Variants in LGSN observed in about 807,000 individuals in gnomAD.
LGSN encodes the protein lengsin, lens protein with glutamine synthetase domain, also known as lengsin.
Under a neutral mutation model 19.5 loss-of-function variants are expected in LGSN, and 21 were observed. The ratio of observed to expected loss-of-function variants is 1.07; its 90% CI spans 0.76 to 1.55. LGSN has a LOEUF of 1.55. Among genes scored for constraint, LGSN ranks in the 40% most tolerant of loss-of-function variants. LGSN has a pLI of 0.00. For missense variants in LGSN, 673 were observed against 608.5 expected, an observed-to-expected ratio of 1.11 and a Z score of -1.12; for synonymous variants, 257 against 215.6, an observed-to-expected ratio of 1.19 and a Z score of -1.68.
At chr6:63,347,933 G>T in the LGSN span, among the ~76,000 whole-genome samples, 1 of 152,070 alleles carries the variant, frequency 6.6e-6, no homozygotes, top group Non-Finnish European at 1.5e-5. Flanking sequence ...ATTAGAAAAA[G>T]GTTAATTGTG....
the LGSN span, among the ~76,000 whole-genome samples, chr6:63,514,223 T>A: frequency 6.6e-6 from 1 of 152,014 alleles, no homozygotes; most frequent in Non-Finnish European, 1.5e-5. Flanking sequence ...TCCCTTTGGC[T>A]TTTTTTTGTT....
At chr6:63,395,522 C>G in the LGSN span, 1 of 152,256 alleles carries the variant, frequency 6.6e-6, no homozygotes, top group Non-Finnish European at 1.5e-5. Context: ...TATTGAAGGA[C>G]AGGAGTCTCC....
At chr6:63,365,426 G>C in the LGSN span, among the ~76,000 whole-genome samples, 2 of 151,726 alleles carry the variant, frequency 1.3e-5, no homozygotes, top group Non-Finnish European at 2.9e-5. Context: ...AACAGGTTCT[G>C]AAATTGAGGC....
the LGSN span, among the ~76,000 whole-genome samples, chr6:63,535,218 A>G: frequency 6.6e-6 from 1 of 152,180 alleles, no homozygotes; most frequent in Admixed American, 6.5e-5. Flanking sequence ...TAATTCCAGC[A>G]TTTTGGGAGG....
chr6:63,554,943 G>A, the LGSN span, among the ~76,000 whole-genome samples: 1 of 152,186 alleles, frequency 6.6e-6, no homozygotes, highest in African/African-American at 2.4e-5. Flanking sequence ...ATCATACAAA[G>A]AGACAATTGT....
chr6:63,325,485 T>C, the LGSN span, among the ~76,000 whole-genome samples: 31 of 151,954 alleles, frequency 2.0e-4, no homozygotes, highest in African/African-American at 7.5e-4. Flanking sequence ...AACTGGAAAA[T>C]CTAGAGGAAA....
the LGSN span, among the ~76,000 whole-genome samples, chr6:63,406,147 G>A: frequency 6.6e-6 from 1 of 152,150 alleles, no homozygotes; most frequent in Non-Finnish European, 1.5e-5. Context: ...GGATACCCAG[G>A]AATTGAACTC....
At chr6:63,412,513 A>AG in the LGSN span, among the ~76,000 whole-genome samples, 1 of 113,838 alleles carries the variant, frequency 8.8e-6, no homozygotes, top group Admixed American at 9.4e-5. Context: ...AAAGAAAGAA[A>AG]GAAAGAAAGA....
At chr6:63,412,687 A>G in the LGSN span, among the ~76,000 whole-genome samples, 39 of 125,450 alleles carry the variant, frequency 3.1e-4, no homozygotes, top group Middle Eastern at 4.1e-3. Flanking sequence ...GAAAGAAAGA[A>G]AGAGAAAGAA....
the LGSN span, among the ~76,000 whole-genome samples, chr6:63,371,347 T>C: frequency 0.09 from 13,770 of 152,254 alleles, 1,198 homozygotes; most frequent in African/African-American, 0.23. Context: ...AACACTTTTA[T>C]AAACAACCGA....
At chr6:63,489,585 G>T in the LGSN span, among the ~76,000 whole-genome samples, 2 of 152,166 alleles carry the variant, frequency 1.3e-5, no homozygotes, top group African/African-American at 4.8e-5. Flanking sequence ...GGCCAGTCTG[G>T]TCTCAAACTC....
chr6:63,315,734 T>G (rs1271514616), intron 1 of LGSN, among the ~76,000 whole-genome samples: 2 of 151,172 alleles, frequency 1.3e-5, no homozygotes, highest in African/African-American at 2.4e-5. Flanking sequence ...ATCTGATAAA[T>G]GCAGCAACTT....
the LGSN span, among the ~76,000 whole-genome samples, chr6:63,505,912 G>C: frequency 2.6e-5 from 4 of 152,126 alleles, no homozygotes; most frequent in Admixed American, 2.6e-4. Flanking sequence ...TCCTCCCAAA[G>C]TGCTGGGATT....
the LGSN span, among the ~76,000 whole-genome samples, chr6:63,424,827 T>G: frequency 2.6e-5 from 4 of 152,062 alleles, no homozygotes; most frequent in South Asian, 2.1e-4. Flanking sequence ...TGGGAGGATC[T>G]CTTGAGTGCA....
chr6:63,532,596 C>A, the LGSN span, among the ~76,000 whole-genome samples: 1 of 152,114 alleles, frequency 6.6e-6, no homozygotes, highest in East Asian at 1.9e-4. Flanking sequence ...CATTCACTAT[C>A]CCCTTATTAA....
At chr6:63,380,741 G>T in the LGSN span, among the ~76,000 whole-genome samples, 1 of 151,826 alleles carries the variant, frequency 6.6e-6, no homozygotes, top group Non-Finnish European at 1.5e-5. Context: ...TGCCAAAAAG[G>T]TATTTGCCTT....
the LGSN span, among the ~76,000 whole-genome samples, chr6:63,367,080 A>G: frequency 3.3e-3 from 496 of 152,310 alleles, 4 homozygotes; most frequent in African/African-American, 0.011. Flanking sequence ...AAAAGCCAAA[A>G]TTGACAAATA....
chr6:63,544,727 A>G, the LGSN span, among the ~76,000 whole-genome samples: 1 of 152,238 alleles, frequency 6.6e-6, no homozygotes, highest in Admixed American at 6.5e-5. Context: ...TTTCCTCATG[A>G]TTAGATTCAG....
chr6:63,412,472 G>GGA, the LGSN span, among the ~76,000 whole-genome samples: 9 of 93,184 alleles, frequency 9.7e-5, no homozygotes, highest in South Asian at 1.3e-3. Flanking sequence ...GAAAAAGAGA[G>GGA]AGAAGAAAGA....
Sources: gnomAD v4.1 joint callset for allele counts (sites outside exome capture counted in the v4.1 genomes callset) on GRCh38, gnomAD v4.1.1 for gene constraint, MANE v1.5 for transcripts, NCBI Gene and HGNC (gene_info 2026-07-23, HGNC 2026-07-21) for gene names.